Variants in SLC38A10 observed in about 807,000 individuals in gnomAD.
SLC38A10 encodes the protein Sodium-coupled neutral amino acid transporter 10.
SLC38A10 carries 53 observed loss-of-function variants against 81.0 expected under a neutral mutation model. The ratio of observed to expected loss-of-function variants is 0.65; its 90% CI spans 0.53 to 0.82. SLC38A10 has a LOEUF of 0.82. Ranked by LOEUF, SLC38A10 falls within the 40% of genes least tolerant of loss-of-function variation. The probability of loss-of-function intolerance (pLI) is 0.00; values close to 1 mark genes in which losing one functional copy is unlikely to be tolerated. For synonymous variants in SLC38A10, 665 were observed against 655.3 expected (o/e 1.01, Z -0.23); for missense variants, 1,471 against 1,545.0 (o/e 0.95, Z 0.80).
At chr17:81,262,305 G>A (rs2063031305) in intron 10 of SLC38A10, among the ~76,000 whole-genome samples, 1 of 152,188 alleles carries the variant, frequency 6.6e-6, no homozygotes, top group African/African-American at 2.4e-5. Context: ...AGCCAGCACA[G>A]GGCAGAGACC....
chr17:81,272,727 C>T, intron 8 of SLC38A10, 100 bp from the exon 9 acceptor site: 1 of 786,602 alleles, frequency 1.3e-6, no homozygotes, highest in South Asian at 2.0e-5. Context: ...ACACCAGGCA[C>T]ATCTCCACGT....
Position 81,265,712 on chromosome 17 carries a change from T to C in SLC38A10, c.1131+5206A>G, listed in dbSNP as rs1191908446. Among the ~76,000 whole-genome samples, 1 of 152,330 alleles carries C rather than the reference T, an allele frequency of 6.6e-6. No individual in the cohort carries two copies. The highest frequency in any genetic ancestry group is 1.9e-4 in the East Asian group (1 of 5,186). On this transcript the variant is annotated intron_variant, in intron 10 of 15. Coordinates refer to ENST00000374759, the MANE Select transcript of SLC38A10 (RefSeq NM_001037984.3). This position sits in a 1 kb window ranked among gnomAD's most constrained non-coding sequence, Gnocchi z 4.2. Reference sequence around the variant, plus strand: ...GGCGCAGCCGGAGCCCCTGGGACAGTGGCCACGCCGAGATGTGGCGCCACA... The same window carrying C: ...GGCGCAGCCGGAGCCCCTGGGACAGCGGCCACGCCGAGATGTGGCGCCACA...
At chr17:81,258,648 C>T (rs1019338844) in intron 11 of SLC38A10, among the ~76,000 whole-genome samples, 1 of 152,144 alleles carries the variant, frequency 6.6e-6, no homozygotes, top group Non-Finnish European at 1.5e-5. Flanking sequence ...AGCTCCCAGG[C>T]TACCACAATC....
At chr17:81,257,021 C>T (rs988191111) in intron 11 of SLC38A10, among the ~76,000 whole-genome samples, 30 of 152,210 alleles carry the variant, frequency 2.0e-4, no homozygotes, top group Non-Finnish European at 4.1e-4. Context: ...CACAGAGCAC[C>T]GAATGGTCCG....
chr17:81,289,810 T>C lies in SLC38A10; in HGVS notation c.100-2A>G. 1 of 1,588,004 alleles carries C rather than the reference T, an allele frequency of 6.3e-7. No homozygotes were observed. Among genetic ancestry groups the C allele is most frequent in the Non-Finnish European group, 8.6e-7 (1 of 1,168,822 alleles). On this transcript the variant is annotated splice_acceptor_variant, in intron 1 of 15. Transcript: ENST00000374759. LOFTEE classifies it high-confidence loss of function. This position sits in a 1 kb window ranked among gnomAD's most constrained non-coding sequence, Gnocchi z 5.9. ...CAGCGCCCCCAGGACGATGCCGCAC[T>C]GCAGGGTGGAGACAGGAACACATGT...
rs993028564 is a variant in SLC38A10 at position 81,295,186 on chromosome 17, T to A, written c.-265A>T. 4 of 272,126 alleles carry A rather than the reference T, an allele frequency of 1.5e-5. No homozygotes were observed. Among genetic ancestry groups the A allele is most frequent in the Non-Finnish European group, 2.5e-5 (4 of 160,344 alleles). The allele number at this position is 272,126 out of a possible 1,614,324, so 16.9% of individuals were successfully genotyped here. On this transcript the variant is annotated 5_prime_UTR_variant, in exon 1 of 16. The change abolishes an upstream ATG in the 5' untranslated region. Transcript: ENST00000374759. ...AAGCCCTGCGGCCGCCTCAGGGCCATGCGTCCCTCGCTCGGCCTCGCGGGC... is the reference window on the plus strand; with the variant it reads ...AAGCCCTGCGGCCGCCTCAGGGCCAAGCGTCCCTCGCTCGGCCTCGCGGGC...
At chr17:81,275,887 C>G in intron 8 of SLC38A10, 82 bp downstream of exon 8, 1 of 1,461,234 alleles carries the variant, frequency 6.8e-7, no homozygotes, top group East Asian at 2.4e-5. Flanking sequence ...TGCTATATCT[C>G]TGGTTCGGGA....
chr17:81,290,640 C>A (rs974852151), intron 1 of SLC38A10, among the ~76,000 whole-genome samples: 11 of 152,162 alleles, frequency 7.2e-5, no homozygotes, highest in African/African-American at 2.7e-4. Flanking sequence ...CACATGGGGA[C>A]CCTCTGGGGG....
chr17:81,256,025 C>CCT (rs2062968933), intron 11 of SLC38A10, among the ~76,000 whole-genome samples: 1 of 152,222 alleles, frequency 6.6e-6, no homozygotes, highest in Non-Finnish European at 1.5e-5. Flanking sequence ...CGACCCGTGA[C>CCT]CATCATTGGC....
chr17:81,258,461 A>G (rs896302130), intron 11 of SLC38A10, among the ~76,000 whole-genome samples: 3 of 151,992 alleles, frequency 2.0e-5, no homozygotes, highest in African/African-American at 4.8e-5. Flanking sequence ...CACGGCCCGC[A>G]CAAGCCTCAT....
In SLC38A10 at chr17:81,247,002, G is replaced by A; in HGVS notation, c.2125C>T (p.Gln709Ter). Residue 709 changes from glutamine to a stop codon, truncating the protein, a stop_gained, in exon 15 of 16, where the codon CAG (glutamine) becomes TAG (stop). Coordinates refer to ENST00000374759, the MANE Select transcript of SLC38A10 (RefSeq NM_001037984.3). LOFTEE classifies it high-confidence loss of function. ...TCCAGCAAGCGCTTTTGCTGCACCTGCTGTTCTTTGATCACCTGAAGCAGG... is the reference window on the plus strand; with the variant it reads ...TCCAGCAAGCGCTTTTGCTGCACCTACTGTTCTTTGATCACCTGAAGCAGG... ...AVLLQVIKEQ[Q>*]VQQKRLLDQQ... 3.1e-6 allele frequency: 5 copies of A among 1,604,960 alleles called. No homozygotes were observed. The highest frequency in any genetic ancestry group is 4.2e-6 in the Non-Finnish European group (5 of 1,179,462).
intron 10 of SLC38A10, among the ~76,000 whole-genome samples, chr17:81,260,967 G>A (rs2063018069): frequency 6.6e-6 from 1 of 152,238 alleles, no homozygotes; most frequent in Admixed American, 6.5e-5. Context: ...GCGCATGAAG[G>A]GCTTGCCCCA....
chr17:81,278,726 C>T (rs2063183147), intron 6 of SLC38A10, among the ~76,000 whole-genome samples: 2 of 152,210 alleles, frequency 1.3e-5, no homozygotes, highest in African/African-American at 2.4e-5. Context: ...ACAGCTGAGT[C>T]CACACCAGGG....
intron 8 of SLC38A10, among the ~76,000 whole-genome samples, chr17:81,275,461 C>T (rs891846482): frequency 7.3e-5 from 11 of 150,458 alleles, no homozygotes; most frequent in Admixed American, 6.6e-4. Context: ...GGGCCGGGCG[C>T]GGTGGCTCAC....
At chr17:81,284,575 C>G (rs2063246218) in intron 3 of SLC38A10, among the ~76,000 whole-genome samples, 1 of 152,118 alleles carries the variant, frequency 6.6e-6, no homozygotes, top group African/African-American at 2.4e-5. Context: ...CACCTTTATG[C>G]AGCGGTGTTT....
chr17:81,250,144 T>G lies in SLC38A10; in HGVS notation c.2065+1349A>C. The G allele has an allele frequency of 5.5e-6, 7 of 1,275,106 alleles. No individual in the cohort carries two copies. The South Asian group carries it at 8.9e-5, about 16-fold the overall frequency. 79.0% of individuals were successfully genotyped at this position (1,275,106 alleles called of 1,614,324 possible). A position where few individuals can be genotyped will look rare whatever the true frequency, so the allele number is the denominator to read the frequency against. On this transcript the variant is annotated intron_variant, in intron 14 of 15. Transcript: ENST00000374759. ...GGAAGAAAGGCAGAATAGGAAACCG[T>G]GAAAAGTCTTTTTCAGAAAGAAGAA...
At chr17:81,273,418 A>C (rs1465895793) in intron 8 of SLC38A10, among the ~76,000 whole-genome samples, 1 of 152,160 alleles carries the variant, frequency 6.6e-6, no homozygotes, top group South Asian at 2.1e-4. Flanking sequence ...TCGGTGCCTC[A>C]GTTTCCTCAT....
chr17:81,275,355 T>C (rs113490474), intron 8 of SLC38A10, among the ~76,000 whole-genome samples: 139 of 152,216 alleles, frequency 9.1e-4, no homozygotes, highest in African/African-American at 3.3e-3. Flanking sequence ...ACCACCAATA[T>C]GGCCTACATC....
intron 10 of SLC38A10, among the ~76,000 whole-genome samples, chr17:81,267,404 C>G (rs916727864): frequency 2.0e-5 from 3 of 152,060 alleles, no homozygotes; most frequent in African/African-American, 7.2e-5. Flanking sequence ...CTATGGCCCT[C>G]CCCCTCCTTC....
Sources: gnomAD v4.1 joint callset for allele counts (sites outside exome capture counted in the v4.1 genomes callset) on GRCh38, gnomAD v4.1.1 for gene constraint, Gnocchi (gnomAD v3.1) non-coding constraint, MANE v1.5 for transcripts, NCBI Gene and HGNC (gene_info 2026-07-23, HGNC 2026-07-21) for gene names.